Variants in BBS10 observed in about 807,000 individuals in gnomAD.
BBS10 encodes the protein BBSome complex assembly protein BBS10.
BBS10 carries 13 observed loss-of-function variants against 12.7 expected under a neutral mutation model. That is an observed-to-expected ratio of 1.03 (90% CI 0.67 to 1.63). The LOEUF is 1.63. BBS10 is among the 40% of genes most tolerant of loss of function. BBS10 has a pLI of 0.00. For missense variants in BBS10, 858 were observed against 858.0 expected (o/e 1.00, Z 0.00); for synonymous variants, 294 against 304.8 (o/e 0.96, Z 0.37).
Position 76,346,904 on chromosome 12 carries a change from C to T in BBS10, c.1081G>A (p.Glu361Lys), listed in dbSNP as rs1565809819. The T allele has an allele frequency of 6.2e-7, 1 of 1,612,896 alleles. No individual in the cohort carries two copies. The highest frequency in any genetic ancestry group is 8.5e-7 in the Non-Finnish European group (1 of 1,179,992). Residue 361 changes from glutamate (E) to lysine (K), a missense_variant, in exon 2 of 2, where the codon GAA (glutamate) becomes AAA (lysine). Physicochemically the swap from Glu to Lys is moderately conservative, Grantham distance 56. Coordinates refer to ENST00000650064, the MANE Select transcript of BBS10 (RefSeq NM_024685.4). ...TTCACCAAAGCAGTGTTAGGTATTTCACACTGCGAAAAGGCCTGTGGTGGT... is the reference window on the plus strand; with the variant it reads ...TTCACCAAAGCAGTGTTAGGTATTTTACACTGCGAAAAGGCCTGTGGTGGT... ...FVPPQAFSQC[E>K]IPNTALVKFC...
Position 76,348,163 on chromosome 12 carries a change from T to A in BBS10, c.196A>T (p.Arg66Trp), listed in dbSNP as rs780874811. ...GGTTAGCGTGTGGGACGCGGGTACC[T>A]GGCTATGGGATGCTCTAAGTGTAGC... ...EALHLEHPIA[R>W]MIVDCVSSHL... The change falls in exon 1 of 2, where the codon AGG becomes TGG. Residue 66 changes from arginine (R) to tryptophan (W), a missense_variant and splice_region_variant. Transcript: ENST00000650064. The A allele has an allele frequency of 6.2e-7, 1 of 1,605,770 alleles. No individual in the cohort carries two copies. Among genetic ancestry groups the A allele is most frequent in the South Asian group, 1.1e-5 (1 of 90,684 alleles).
rs1201858558 is a variant in BBS10 at position 76,345,945 on chromosome 12, T to C, written c.2040A>G (p.Ser680=). Residue 680 remains serine, a synonymous_variant, in exon 2 of 2, where the codon TCA becomes TCG. Coordinates refer to ENST00000650064, the MANE Select transcript of BBS10 (RefSeq NM_024685.4). ...TTAGTAGCTGGTATTTACCCATTAC[T>C]GATTCCAAACCTGTCTGACTGCTTA... ...PLVSSQTGLE[S]VMGKYQLLTS... is the part of the protein sequence containing the mutation. The C allele has an allele frequency of 6.2e-7, 1 of 1,614,090 alleles. No homozygotes were observed. The highest frequency in any genetic ancestry group is 1.7e-5 in the Admixed American group (1 of 60,032).
Position 76,348,142 on chromosome 12 carries a change from A to T in BBS10, c.197+20T>A, listed in dbSNP as rs1478870146. The stretch of plus-strand genomic sequence containing the variant: ...TGCCTGGGGTGCCCGGCTACGGGTT[A>T]GCGTGTGGGACGCGGGTACCTGGCT... On this transcript the variant is annotated intron_variant, in intron 1 of 1. Coordinates refer to ENST00000650064, the MANE Select transcript of BBS10 (RefSeq NM_024685.4). 1.3e-6 allele frequency: 2 copies of T among 1,598,428 alleles called. No individual in the cohort carries two copies. The highest frequency in any genetic ancestry group is 1.7e-6 in the Non-Finnish European group (2 of 1,169,680).
In BBS10 at chr12:76,346,057, A is replaced by G. The variant is rs1156812402; in HGVS notation, c.1928T>C (p.Val643Ala). 1.9e-6 allele frequency: 3 copies of G among 1,613,766 alleles called. No individual in the cohort carries two copies. Among genetic ancestry groups the G allele is most frequent in the Non-Finnish European group, 2.5e-6 (3 of 1,179,932 alleles). ...IANALLGIPK[V>A]LYKSKTGKYS... ...CTTTCCTGTTTTAGATTTATAAAGGACTTTGGGAATGCCTAAAAGTGCATT... is the reference window on the plus strand; with the variant it reads ...CTTTCCTGTTTTAGATTTATAAAGGGCTTTGGGAATGCCTAAAAGTGCATT... Residue 643 changes from valine to alanine, a missense_variant, in exon 2 of 2, where the codon GTC becomes GCC. Physicochemically the swap from Val to Ala is moderately conservative, Grantham distance 64. Coordinates refer to ENST00000650064, the MANE Select transcript of BBS10 (RefSeq NM_024685.4).
chr12:76,346,244 G>A lies in BBS10; in HGVS notation c.1741C>T (p.Pro581Ser), dbSNP rs1453771610. 1.9e-6 allele frequency: 3 copies of A among 1,611,648 alleles called. No homozygotes were observed. Among genetic ancestry groups the A allele is most frequent in the Non-Finnish European group, 2.5e-6 (3 of 1,178,932 alleles). ...TAACTCTGGGAAGTACCCATATTCG[G>A]TAACTTACAGCTCACTGGTAACATG... is the stretch of plus-strand genomic sequence containing the variant. ...GSMLPVSCKL[P>S]NMGTSQSYLS... is the part of the protein sequence containing the mutation. The change falls in exon 2 of 2, where the codon CCG becomes TCG. Residue 581 changes from proline (P) to serine (S), a missense_variant. Transcript: ENST00000650064.
chr12:76,346,369 G>A lies in BBS10; in HGVS notation c.1616C>T (p.Pro539Leu), dbSNP rs35676114. Residue 539 changes from proline to leucine, a missense_variant, in exon 2 of 2, where the codon CCA becomes CTA. Transcript: ENST00000650064. ...AGCAGTGGAATTGTTCTTGAGTAAT[G>A]GTTCATAATAATCAGTTAGCCTGTT... ...ERNRLTDYYEPLLKNNSTAYS... is the reference protein window; with the variant it reads ...ERNRLTDYYELLLKNNSTAYS... 117,469 of 1,613,816 alleles carry A rather than the reference G, an allele frequency of 0.073. 4,912 individuals are homozygous for A. Among genetic ancestry groups the A allele is most frequent in the Middle Eastern group, 0.14 (849 of 6,062 alleles).
At position 76,347,267 on chromosome 12, in the gene BBS10, C is replaced by G; in HGVS notation, c.718G>C (p.Val240Leu). The change falls in exon 2 of 2, where the codon GTG becomes CTG. Residue 240 changes from valine (V) to leucine (L), a missense_variant. Physicochemically the swap from Val to Leu is conservative, Grantham distance 32 (BLOSUM62 1). Coordinates refer to ENST00000650064, the MANE Select transcript of BBS10 (RefSeq NM_024685.4). The part of the protein sequence containing the change: ...VSDSRIIAGL[V>L]LQKDFSVYRP... Reference sequence around the variant, plus strand: ...TACACAGAAAAATCTTTCTGAAGCACAAGACCAGCTATGATCCTGGAATCT... The same window carrying G: ...TACACAGAAAAATCTTTCTGAAGCAGAAGACCAGCTATGATCCTGGAATCT... 4 of 1,613,528 alleles carry G rather than the reference C, an allele frequency of 2.5e-6. No individual in the cohort carries two copies. The South Asian group carries it at 3.3e-5, about 13-fold the overall frequency.
In BBS10 at chr12:76,345,668, T is replaced by C. The variant is rs1951752043; in HGVS notation, c.*145A>G. The stretch of plus-strand genomic sequence containing the variant: ...AATTTAATATTTGTATCTGGTCTGG[T>C]GACCTTAGTGTGCTTCTTCTAAAGA... On this transcript the variant is annotated 3_prime_UTR_variant, in exon 2 of 2. Coordinates refer to ENST00000650064, the MANE Select transcript of BBS10 (RefSeq NM_024685.4). 5.5e-6 allele frequency: 4 copies of C among 725,438 alleles called. No individual in the cohort carries two copies. In the South Asian group the frequency reaches 6.7e-5, roughly 12 times the overall value. The allele number at this position is 725,438 out of a possible 1,614,324, so 44.9% of individuals were successfully genotyped here.
Position 76,347,458 on chromosome 12 carries a change from G to A in BBS10, c.527C>T (p.Ala176Val). The A allele has an allele frequency of 6.2e-7, 1 of 1,613,568 alleles. No homozygotes were observed. The highest frequency in any genetic ancestry group is 1.3e-5 in the African/African-American group (1 of 74,952). Reference protein sequence around the residue: ...CRSSLELLLEAYFCGRVGRNN... With the variant: ...CRSSLELLLEVYFCGRVGRNN... ...TCTTCCCACTCTTCCACAAAAGTAT[G>A]CTTCTAAGAGCAACTCTAAAGAGCT... The change falls in exon 2 of 2, where the codon GCA becomes GTA. Residue 176 changes from alanine to valine, a missense_variant. Coordinates refer to ENST00000650064, the MANE Select transcript of BBS10 (RefSeq NM_024685.4).
chr12:76,346,417 A>G lies in BBS10; in HGVS notation c.1568T>C (p.Leu523Pro), dbSNP rs901748236. The G allele has an allele frequency of 1.9e-6, 3 of 1,614,076 alleles. No homozygotes were observed. In the African/African-American group the frequency reaches 4.0e-5, roughly 22 times the overall value. The part of the protein sequence containing the change: ...PTDTFQTVET[L>P]TCLSLERNRL... ...GTTTCTTTCCAAAGACAAACATGTCAGCGTTTCAACTGTTTGGAATGTATC... is the reference window on the plus strand; with the variant it reads ...GTTTCTTTCCAAAGACAAACATGTCGGCGTTTCAACTGTTTGGAATGTATC... The change falls in exon 2 of 2, where the codon CTG (leucine) becomes CCG (proline). Residue 523 changes from leucine to proline, a missense_variant. Leu to Pro is a moderately conservative substitution (Grantham distance 98). Coordinates refer to ENST00000650064, the MANE Select transcript of BBS10 (RefSeq NM_024685.4).
At position 76,348,389 on chromosome 12, in the gene BBS10, T is replaced by G; in HGVS notation, c.-31A>C. 6.4e-7 allele frequency: 1 copy of G among 1,552,324 alleles called. No homozygotes were observed. The highest frequency in any genetic ancestry group is 8.7e-7 in the Non-Finnish European group (1 of 1,149,706). Reference sequence around the variant, plus strand: ...GGCCGCTTCCCCTTTTTGACCAGCTTGCAGAACACCCGGGCCGACCGAAAA... The same window carrying G: ...GGCCGCTTCCCCTTTTTGACCAGCTGGCAGAACACCCGGGCCGACCGAAAA... On this transcript the variant is annotated 5_prime_UTR_variant, in exon 1 of 2. Coordinates refer to ENST00000650064, the MANE Select transcript of BBS10 (RefSeq NM_024685.4).
At position 76,344,896 on chromosome 12, in the gene BBS10, A is replaced by G. The variant is rs985738291; in HGVS notation, c.*917T>C. On this transcript the variant is annotated 3_prime_UTR_variant, in exon 2 of 2. Coordinates refer to ENST00000650064, the MANE Select transcript of BBS10 (RefSeq NM_024685.4). ...TATTATTTACATTGACAAGTTTTTA[A>G]AATATGAACATTTGTAAATGAAATA... is the stretch of plus-strand genomic sequence containing the variant. 1.3e-5 allele frequency: 2 copies of G among 152,156 alleles called. No individual in the cohort carries two copies. The highest frequency in any genetic ancestry group is 2.9e-5 in the Non-Finnish European group (2 of 68,004). The allele number at this position is 152,156 out of a possible 1,614,324, so 9.4% of individuals were successfully genotyped here. A position where few individuals can be genotyped will look rare whatever the true frequency, so the allele number is the denominator to read the frequency against.
rs746334861 is a variant in BBS10 at position 76,346,832 on chromosome 12, C to T, written c.1153G>A (p.Gly385Ser). ...ILRSKRYVHL[G>S]LISTCAFIPH... ...ATAAATGCACATGTGCTTATCAAGCCTAGATGAACATATCTTTTGGATCTA... is the reference window on the plus strand; with the variant it reads ...ATAAATGCACATGTGCTTATCAAGCTTAGATGAACATATCTTTTGGATCTA... The change falls in exon 2 of 2, where the codon GGC becomes AGC. Residue 385 changes from glycine to serine, a missense_variant. Gly to Ser is a moderately conservative substitution (Grantham distance 56). Transcript: ENST00000650064. 1 of 1,614,014 alleles carries T rather than the reference C, an allele frequency of 6.2e-7. No individual in the cohort carries two copies. The highest frequency in any genetic ancestry group is 8.5e-7 in the Non-Finnish European group (1 of 1,179,990).
Position 76,347,462 on chromosome 12 carries a change from C to G in BBS10, c.523G>C (p.Glu175Gln), listed in dbSNP as rs758578674. The G allele has an allele frequency of 6.2e-7, 1 of 1,613,692 alleles. No homozygotes were observed. Among genetic ancestry groups the G allele is most frequent in the East Asian group, 2.2e-5 (1 of 44,856 alleles). ...CCCACTCTTCCACAAAAGTATGCTT[C>G]TAAGAGCAACTCTAAAGAGCTCCTA... is the stretch of plus-strand genomic sequence containing the variant. ...LCRSSLELLLEAYFCGRVGRN... is the reference protein window; with the variant it reads ...LCRSSLELLLQAYFCGRVGRN... The change falls in exon 2 of 2, where the codon GAA becomes CAA. Residue 175 changes from glutamate to glutamine, a missense_variant. Physicochemically the swap from Glu to Gln is conservative, Grantham distance 29. Coordinates refer to ENST00000650064, the MANE Select transcript of BBS10 (RefSeq NM_024685.4).
Position 76,346,818 on chromosome 12 carries a change from T to C in BBS10, c.1167A>G (p.Thr389=), listed in dbSNP as rs377164732. 1 of 1,614,038 alleles carries C rather than the reference T, an allele frequency of 6.2e-7. No individual in the cohort carries two copies. Among genetic ancestry groups the C allele is most frequent in the Non-Finnish European group, 8.5e-7 (1 of 1,180,016 alleles). ...CTATAGAGTGTGGTATAAATGCACA[T>C]GTGCTTATCAAGCCTAGATGAACAT... is the stretch of plus-strand genomic sequence containing the variant. ...KRYVHLGLIS[T]CAFIPHSIVL... Residue 389 remains threonine, a synonymous_variant, in exon 2 of 2, where the codon ACA becomes ACG. Transcript: ENST00000650064.
Position 76,346,704 on chromosome 12 carries a change from G to C in BBS10, c.1281C>G (p.Asp427Glu). The C allele has an allele frequency of 6.2e-7, 1 of 1,614,084 alleles. No homozygotes were observed. Among genetic ancestry groups the C allele is most frequent in the Non-Finnish European group, 8.5e-7 (1 of 1,179,994 alleles). The change falls in exon 2 of 2, where the codon GAC becomes GAG. Residue 427 changes from aspartate (D) to glutamate (E), a missense_variant. By Grantham distance (45) the Asp-to-Glu change is conservative. Transcript: ENST00000650064. ...TTTGTGTCATGTAATTTAGATCAAG[G>C]TCTTTAAATAATTGCCGAAGCATTT... is the stretch of plus-strand genomic sequence containing the variant. ...ALKMLRQLFK[D>E]LDLNYMTQTN...
rs752162179 is a variant in BBS10, at chr12:76,348,406, G to A, written c.-48C>T. On this transcript the variant is annotated 5_prime_UTR_variant, in exon 1 of 2. Coordinates refer to ENST00000650064, the MANE Select transcript of BBS10 (RefSeq NM_024685.4). Reference sequence around the variant, plus strand: ...GACCAGCTTGCAGAACACCCGGGCCGACCGAAAACAGGGGTGGGAACGGCC... The same window carrying A: ...GACCAGCTTGCAGAACACCCGGGCCAACCGAAAACAGGGGTGGGAACGGCC... 6 of 1,542,464 alleles carry A rather than the reference G, an allele frequency of 3.9e-6. No homozygotes were observed. In the South Asian group the frequency reaches 4.8e-5, roughly 12 times the overall value.
rs761100835 is a variant in BBS10 at position 76,347,575 on chromosome 12, T to C, written c.410A>G (p.Gln137Arg). Reference sequence around the variant, plus strand: ...CATAATACCGTCTAATATTTGTGTCTGAAACGTTAGGAGAGCCTGGGAAAT... The same window carrying C: ...CATAATACCGTCTAATATTTGTGTCCGAAACGTTAGGAGAGCCTGGGAAAT... ...KFISQALLTF[Q>R]TQILDGIMDQ... The change falls in exon 2 of 2, where the codon CAG becomes CGG. Residue 137 changes from glutamine (Q) to arginine (R), a missense_variant. By Grantham distance (43) the Gln-to-Arg change is conservative. Transcript: ENST00000650064. 6.2e-7 allele frequency: 1 copy of C among 1,613,846 alleles called. No homozygotes were observed. Among genetic ancestry groups the C allele is most frequent in the South Asian group, 1.1e-5 (1 of 91,080 alleles).
In BBS10 at chr12:76,347,517, G is replaced by A. The variant is rs1233045182; in HGVS notation, c.468C>T (p.Ile156=). Residue 156 remains isoleucine, a synonymous_variant, in exon 2 of 2, where the codon ATC becomes ATT. Coordinates refer to ENST00000650064, the MANE Select transcript of BBS10 (RefSeq NM_024685.4). The part of the protein sequence containing the change: ...DQYLSRHFLS[I]FSSAKERTLC... ...ATGTTCTCTCTTTAGCAGACGAAAA[G>A]ATAGACAAAAAGTGTCTACTTAGGT... 6.2e-7 allele frequency: 1 copy of A among 1,613,660 alleles called. No individual in the cohort carries two copies. The highest frequency in any genetic ancestry group is 1.1e-5 in the South Asian group (1 of 91,060).
Sources: allele counts gnomAD v4.1 joint callset, GRCh38; gene constraint gnomAD v4.1.1; transcripts MANE v1.5; gene names NCBI Gene and HGNC (gene_info 2026-07-23, HGNC 2026-07-21).